Variants in AFM observed in about 807,000 individuals in gnomAD.
The protein encoded by AFM is alpha-Alb.
A neutral mutation model predicts 68.7 loss-of-function variants in AFM; 82 were observed. That is an observed-to-expected ratio of 1.19 (90% CI 1.00 to 1.43). AFM has a LOEUF of 1.43. AFM is among the 40% of genes most tolerant of loss of function. The probability of loss-of-function intolerance (pLI) is 0.00; values close to 1 mark genes in which losing one functional copy is unlikely to be tolerated. For synonymous variants in AFM, 250 were observed against 234.2 expected, an observed-to-expected ratio of 1.07 and a Z score of -0.61; for missense variants, 772 against 701.8, an observed-to-expected ratio of 1.10 and a Z score of -1.13.
At chr4:73,485,377 A>C (rs1167914233) in intron 3 of AFM, among the ~76,000 whole-genome samples, 2 of 152,106 alleles carry the variant, frequency 1.3e-5, no homozygotes, top group Non-Finnish European at 2.9e-5. Flanking sequence ...AGATTCTGAA[A>C]GTGCAGGATG....
chr4:73,492,034 A>G lies in AFM; in HGVS notation c.1006A>G (p.Ser336Gly). 1 of 1,613,394 alleles carries G rather than the reference A, an allele frequency of 6.2e-7. No individual in the cohort carries two copies. Among genetic ancestry groups the G allele is most frequent in the Middle Eastern group, 1.7e-4 (1 of 6,054 alleles). Residue 336 changes from serine to glycine, a missense_variant, in exon 8 of 15, where the codon AGT becomes GGT. Coordinates refer to ENST00000226355, the MANE Select transcript of AFM (RefSeq NM_001133.2). ...TCTAAGAGAAGGAAAATTTACTGAC[A>G]GTGAAAATGTGTGTCAAGAACGAGA... ...LSLREGKFTDSENVCQERDAD... is the reference protein window; with the variant it reads ...LSLREGKFTDGENVCQERDAD...
intron 10 of AFM, 24 bp downstream of exon 10, chr4:73,497,773 T>A: frequency 4.3e-6 from 6 of 1,403,994 alleles, no homozygotes; most frequent in Non-Finnish European, 6.0e-6. Context: ...ACAAGTGGGC[T>A]AACACTTGCC....
intron 7 of AFM, 50 bp downstream of exon 7, chr4:73,488,809 AT>A (rs769964738): frequency 1.3e-6 from 2 of 1,563,614 alleles, no homozygotes; most frequent in East Asian, 2.4e-5. Flanking sequence ...GGCAATTATC[AT>A]TTTTTTATTC....
intron 7 of AFM, 152 bp from the exon 8 acceptor site, chr4:73,491,720 C>A (rs1191003520): frequency 2.8e-6 from 2 of 715,792 alleles, no homozygotes; most frequent in Non-Finnish European, 4.7e-6. Flanking sequence ...TAAGTAAATC[C>A]AAAATTTAAT....
rs780697944 is a variant in AFM, at chr4:73,491,957, G to A, written c.929G>A (p.Arg310His). The stretch of plus-strand genomic sequence containing the variant: ...TGCTGTGAAAAGAAAATACCAGAGC[G>A]CGGCCAGTGCATAATTAACTCAAAC... ...KECCEKKIPE[R>H]GQCIINSNKD... The change falls in exon 8 of 15, where the codon CGC becomes CAC. Residue 310 changes from arginine to histidine, a missense_variant. By Grantham distance (29) the Arg-to-His change is conservative (BLOSUM62 0). Coordinates refer to ENST00000226355, the MANE Select transcript of AFM (RefSeq NM_001133.2). The A allele has an allele frequency of 6.8e-5, 109 of 1,613,890 alleles. No homozygotes were observed. The highest frequency in any genetic ancestry group is 1.1e-4 in the African/African-American group (8 of 75,018).
intron 1 of AFM, 113 bp downstream of exon 1, chr4:73,481,976 C>T: frequency 1.3e-6 from 1 of 745,720 alleles, no homozygotes; most frequent in East Asian, 2.8e-5. Flanking sequence ...CACCCTCTCA[C>T]TAATTTACAT....
rs117317051 is a variant in AFM at position 73,492,141 on chromosome 4, T to A, written c.1058+55T>A. The stretch of plus-strand genomic sequence containing the variant: ...GGAAACAGAAAGAAACTTATAAGAT[T>A]TGACTTTTGTTGCTAATTTAGGTGG... On this transcript the variant is annotated intron_variant, in intron 8 of 14. Coordinates refer to ENST00000226355, the MANE Select transcript of AFM (RefSeq NM_001133.2). 106 of 1,476,558 alleles carry A rather than the reference T, an allele frequency of 7.2e-5. No homozygotes were observed. The East Asian group carries it at 2.4e-3, about 33-fold the overall frequency. The allele number at this position is 1,476,558 out of a possible 1,614,324, so 91.5% of individuals were successfully genotyped here. A position where few individuals can be genotyped will look rare whatever the true frequency, so the allele number is the denominator to read the frequency against.
At chr4:73,501,198 T>C (rs1577982160) in intron 12 of AFM, among the ~76,000 whole-genome samples, 1 of 146,112 alleles carries the variant, frequency 6.8e-6, no homozygotes. Flanking sequence ...TCTATGGCTG[T>C]TGTCACACTT....
At chr4:73,484,103 T>G (rs563841696) in intron 2 of AFM, 114 bp downstream of exon 2, 12 of 1,366,826 alleles carry the variant, frequency 8.8e-6, no homozygotes, top group Admixed American at 2.8e-5. Context: ...AGAAGACAAC[T>G]TTAATTATAA....
Position 73,484,389 on chromosome 4 carries a change from C to A in AFM, c.269C>A (p.Pro90His). Residue 90 changes from proline (P) to histidine (H), a missense_variant and splice_region_variant, in exon 3 of 15, where the codon CCT (proline) becomes CAT (histidine). Coordinates refer to ENST00000226355, the MANE Select transcript of AFM (RefSeq NM_001133.2). ...ACGCTCCCAGAGTGTTCAAAATTAC[C>A]TGTAAGTAAATTGCTTGTGTTTCTT... ...DKTLPECSKL[P>H]NNVLQEKICA... The A allele has an allele frequency of 6.4e-7, 1 of 1,553,510 alleles. No homozygotes were observed. The highest frequency in any genetic ancestry group is 8.7e-7 in the Non-Finnish European group (1 of 1,154,018).
chr4:73,486,053 C>T lies in AFM; in HGVS notation c.462C>T (p.Asn154=). The T allele has an allele frequency of 1.2e-6, 2 of 1,613,716 alleles. No homozygotes were observed. Among genetic ancestry groups the T allele is most frequent in the Non-Finnish European group, 1.7e-6 (2 of 1,179,696 alleles). ...AGAAATGCCAGGCTTATGAAAGTAA[C>T]AGAGAATCCCTTTTAAATCAGTAAG... ...PEEKCQAYES[N]RESLLNHFLY... is the part of the protein sequence containing the mutation. Residue 154 remains asparagine, a synonymous_variant, in exon 4 of 15, where the codon AAC becomes AAT. Coordinates refer to ENST00000226355, the MANE Select transcript of AFM (RefSeq NM_001133.2).
chr4:73,499,853 C>G (rs193238370), intron 11 of AFM, 151 bp from the exon 12 acceptor site: 1 of 607,074 alleles, frequency 1.6e-6, no homozygotes, highest in Non-Finnish European at 2.7e-6. Context: ...TCTAGTTTTA[C>G]TTGTATATAG....
chr4:73,484,865 AT>A (rs1324175748), intron 3 of AFM, among the ~76,000 whole-genome samples: 1 of 152,094 alleles, frequency 6.6e-6, no homozygotes, highest in Non-Finnish European at 1.5e-5. Flanking sequence ...AACACACAAG[AT>A]TTTTTGCCCA....
chr4:73,503,178 C>A (rs1721465368), intron 14 of AFM, 68 bp downstream of exon 14: 2 of 1,207,676 alleles, frequency 1.7e-6, no homozygotes, highest in South Asian at 1.3e-5. Context: ...TGCCTTTTCT[C>A]CCTCATGCTT....
intron 6 of AFM, 100 bp downstream of exon 6, chr4:73,487,921 T>C: frequency 1.3e-6 from 1 of 782,006 alleles, no homozygotes. Context: ...TTCTTCCTAG[T>C]ACCTAGGGGC....
intron 9 of AFM, 92 bp downstream of exon 9, chr4:73,495,524 G>T (rs1721232769): frequency 4.7e-6 from 7 of 1,501,598 alleles, no homozygotes; most frequent in South Asian, 1.3e-5. Flanking sequence ...CAGTCTGGGG[G>T]TAGAAAATGT....
intron 9 of AFM, among the ~76,000 whole-genome samples, chr4:73,495,969 G>T (rs1395402117): frequency 5.3e-5 from 8 of 152,144 alleles, no homozygotes; most frequent in Non-Finnish European, 5.9e-5. Flanking sequence ...TTAAAAATAA[G>T]ATTGGCATAA....
intron 1 of AFM, among the ~76,000 whole-genome samples, chr4:73,482,451 T>G (rs952463954): frequency 3.0e-4 from 46 of 152,154 alleles, no homozygotes; most frequent in African/African-American, 1.1e-3. Flanking sequence ...TAGAAGGAGC[T>G]CCTTTCTTTG....
rs1470193965 is a variant in AFM at position 73,503,050 on chromosome 4, A to C, written c.1780A>C (p.Ser594Arg). 7 of 1,613,158 alleles carry C rather than the reference A, an allele frequency of 4.3e-6. No individual in the cohort carries two copies. Among genetic ancestry groups the C allele is most frequent in the Non-Finnish European group, 5.1e-6 (6 of 1,179,316 alleles). ...ESPEVCFNEE[S>R]PKIGN ...TTTTTATTTCCATCCCTCACCTCAG[A>C]GTCCAAAAATTGGCAACTGAAGCCA... The change falls in exon 14 of 15, where the codon AGT (serine) becomes CGT (arginine). Residue 594 changes from serine (S) to arginine (R), a missense_variant and splice_region_variant. Physicochemically the swap from Ser to Arg is moderately radical, Grantham distance 110. Coordinates refer to ENST00000226355, the MANE Select transcript of AFM (RefSeq NM_001133.2).
Sources: allele counts gnomAD v4.1 joint callset (sites outside exome capture counted in the v4.1 genomes callset), GRCh38; gene constraint gnomAD v4.1.1; transcripts MANE v1.5; gene names NCBI Gene and HGNC (gene_info 2026-07-23, HGNC 2026-07-21).